Variants in UACA observed in about 807,000 individuals in gnomAD.
UACA encodes the protein nuclear membrane binding protein.
UACA carries 112 observed loss-of-function variants against 160.5 expected under a neutral mutation model. The ratio of observed to expected loss-of-function variants is 0.70; its 90% CI spans 0.60 to 0.82. The LOEUF (loss-of-function observed/expected upper bound fraction) is 0.82. Among genes scored for constraint, UACA ranks in the 40% least tolerant of loss-of-function variants. The pLI, the probability that UACA is intolerant of heterozygous loss-of-function variation, is 0.00. For synonymous variants in UACA, 557 were observed against 568.4 expected (o/e 0.98, Z 0.29); for missense variants, 1,574 against 1,614.6 (o/e 0.97, Z 0.43).
chr15:70,700,584 GA>G (rs1003200210), intron 1 of UACA, among the ~76,000 whole-genome samples: 1 of 151,822 alleles, frequency 6.6e-6, no homozygotes. Context: ...GGGGTTTTAA[GA>G]AGGATGTCTC....
At chr15:70,694,064 C>T (rs997528096) in intron 3 of UACA, among the ~76,000 whole-genome samples, 1 of 152,078 alleles carries the variant, frequency 6.6e-6, no homozygotes, top group African/African-American at 2.4e-5. Flanking sequence ...TTTGCCCCTA[C>T]ATGGAATCAC....
intron 1 of UACA, among the ~76,000 whole-genome samples, chr15:70,720,360 T>C (rs1351268957): frequency 6.6e-6 from 1 of 152,188 alleles, no homozygotes; most frequent in Non-Finnish European, 1.5e-5. Context: ...CAAGCTGGAG[T>C]GCAGTTGTAT....
chr15:70,762,236 GGA>G (rs1185962342), intron 1 of UACA, among the ~76,000 whole-genome samples: 1 of 17,212 alleles, frequency 5.8e-5, no homozygotes, highest in Non-Finnish European at 1.0e-4. Context: ...CGATATAGGT[GGA>G]GAGAAAGGCA....
Position 70,666,556 on chromosome 15 carries a change from T to C in UACA, c.3960+168A>G, listed in dbSNP as rs80030889. On this transcript the variant is annotated intron_variant, in intron 16 of 18. Coordinates refer to ENST00000322954, the MANE Select transcript of UACA (RefSeq NM_018003.4). ...ACAGAAGGAAAAATGCTTTTGACTT[T>C]TGTGTTACTTCACTTTTTTTTTCAA... 3.0e-3 allele frequency among the ~76,000 whole-genome samples: 459 copies of C among 152,352 alleles called. 3 individuals are homozygous for C. Among genetic ancestry groups the C allele is most frequent in the African/African-American group, 0.011 (446 of 41,586 alleles).
In UACA at chr15:70,680,841, T is replaced by C. The variant is rs558142546; in HGVS notation, c.823-1165A>G. On this transcript the variant is annotated intron_variant, in intron 9 of 18. Transcript: ENST00000322954. ...GCGATCTGATCACGTGCACCACTGA[T>C]TGGGGTGCACACGTCCTGCCTTCCG... Among the ~76,000 whole-genome samples the C allele has an allele frequency of 5.9e-5, 9 of 152,336 alleles. No individual in the cohort carries two copies. In the South Asian group the frequency reaches 1.7e-3, roughly 28 times the overall value.
At chr15:70,738,090 T>C (rs570038041) in intron 1 of UACA, among the ~76,000 whole-genome samples, 2 of 152,354 alleles carry the variant, frequency 1.3e-5, no homozygotes, top group South Asian at 4.1e-4. Flanking sequence ...AAACCAACTT[T>C]TCTATTTTAT....
chr15:70,697,780 G>C (rs929826502), intron 2 of UACA, among the ~76,000 whole-genome samples: 2 of 152,234 alleles, frequency 1.3e-5, no homozygotes, highest in Non-Finnish European at 2.9e-5. Context: ...GCCGGGCACA[G>C]TGGCTCACGC....
chr15:70,755,914 T>C (rs1350803248), intron 1 of UACA, among the ~76,000 whole-genome samples: 1 of 152,124 alleles, frequency 6.6e-6, no homozygotes, highest in African/African-American at 2.4e-5. Flanking sequence ...ACTGAAATTG[T>C]CTTTCTGGCC....
the UACA span, among the ~76,000 whole-genome samples, chr15:70,774,543 C>A: frequency 9.9e-6 from 1 of 101,404 alleles, no homozygotes; most frequent in Non-Finnish European, 1.9e-5. Context: ...GAGACTCTGT[C>A]TCAAAAAAAA....
intron 1 of UACA, among the ~76,000 whole-genome samples, chr15:70,708,635 AT>A (rs1422070791): frequency 6.6e-6 from 1 of 151,808 alleles, no homozygotes; most frequent in Non-Finnish European, 1.5e-5. Context: ...CACCCGGCTA[AT>A]TTTTTTGTAT....
At chr15:70,709,951 T>C (rs1898632997) in intron 1 of UACA, among the ~76,000 whole-genome samples, 1 of 152,176 alleles carries the variant, frequency 6.6e-6, no homozygotes, top group South Asian at 2.1e-4. Context: ...TCACTGATCT[T>C]AATAATTTTG....
intron 1 of UACA, among the ~76,000 whole-genome samples, chr15:70,708,602 G>A (rs960646110): frequency 1.3e-5 from 2 of 151,694 alleles, no homozygotes; most frequent in African/African-American, 4.8e-5. Context: ...CGAGTAGCTG[G>A]GATTACAGGT....
At chr15:70,683,336 G>A (rs1897582068) in intron 8 of UACA, among the ~76,000 whole-genome samples, 1 of 152,008 alleles carries the variant, frequency 6.6e-6, no homozygotes, top group Non-Finnish European at 1.5e-5. Context: ...TCTAGCCTGG[G>A]CAACAAAGGG....
chr15:70,749,131 A>C (rs1899800920), intron 1 of UACA: 1 of 384,294 alleles, frequency 2.6e-6, no homozygotes, highest in African/African-American at 2.1e-5. Flanking sequence ...GAATGCACCA[A>C]AATGTTAACT....
the UACA span, among the ~76,000 whole-genome samples, chr15:70,771,985 G>T: frequency 6.6e-6 from 1 of 152,174 alleles, no homozygotes; most frequent in Non-Finnish European, 1.5e-5. Context: ...GAAGGATTTC[G>T]AATTGTGTTC....
In UACA at chr15:70,669,609, T is replaced by A. The variant is rs573311766; in HGVS notation, c.1222-147A>T. On this transcript the variant is annotated intron_variant, in intron 15 of 18. Coordinates refer to ENST00000322954, the MANE Select transcript of UACA (RefSeq NM_018003.4). ...CAGTAAGATGGAAAAAAAATCACAATGCTGATTTTTGTGGTAAGGAAACAG... is the reference window on the plus strand; with the variant it reads ...CAGTAAGATGGAAAAAAAATCACAAAGCTGATTTTTGTGGTAAGGAAACAG... The A allele has an allele frequency of 3.3e-5, 20 of 602,040 alleles. 1 individual carries two copies. The highest frequency in any genetic ancestry group is 3.3e-4 in the South Asian group (13 of 39,320). 37.3% of individuals were successfully genotyped at this position (602,040 alleles called of 1,614,324 possible).
At chr15:70,764,494 C>G (rs2030953981), upstream of UACA, among the ~76,000 whole-genome samples, 2 of 152,238 alleles carry the variant, frequency 1.3e-5, no homozygotes, top group South Asian at 4.1e-4. Context: ...TCATTTTTCC[C>G]CCCAGCAAAA....
chr15:70,728,590 T>C (rs910203589), intron 1 of UACA, among the ~76,000 whole-genome samples: 3 of 128,766 alleles, frequency 2.3e-5, no homozygotes, highest in South Asian at 4.9e-4. Context: ...AAAAAAAACA[T>C]AGAAAAAAAA....
At chr15:70,741,600 C>T (rs1025876726) in intron 1 of UACA, among the ~76,000 whole-genome samples, 3 of 152,152 alleles carry the variant, frequency 2.0e-5, no homozygotes, top group African/African-American at 7.2e-5. Flanking sequence ...CATGTGTATT[C>T]ACAATTTCAA....
Sources: allele counts gnomAD v4.1 joint callset (sites outside exome capture counted in the v4.1 genomes callset), GRCh38; gene constraint gnomAD v4.1.1; transcripts MANE v1.5; gene names NCBI Gene and HGNC (gene_info 2026-07-23, HGNC 2026-07-21).